Variants in RELN observed in about 807,000 individuals in gnomAD.
RELN encodes the protein reelin.
In RELN, 108 loss-of-function variants were observed where a neutral mutation model predicts 427.6. That is an observed-to-expected ratio of 0.25 (90% CI 0.22 to 0.30). RELN has a LOEUF of 0.30. Among genes scored for constraint, RELN ranks in the 10% least tolerant of loss-of-function variants. RELN has a pLI of 1.00. For missense variants in RELN, 3,715 were observed against 4,302.8 expected (o/e 0.86, Z 3.82); for synonymous variants, 1,524 against 1,513.4 (o/e 1.01, Z -0.16).
At chr7:103,944,120 G>A (rs922018574) in intron 1 of RELN, among the ~76,000 whole-genome samples, 5 of 152,032 alleles carry the variant, frequency 3.3e-5, no homozygotes, top group Admixed American at 6.6e-5. Flanking sequence ...TACTGCAGGC[G>A]AATGGAGAAA....
intron 36 of RELN, 88 bp downstream of exon 36, chr7:103,561,444 G>C (rs1830639004): frequency 1.9e-6 from 2 of 1,042,900 alleles, no homozygotes; most frequent in Non-Finnish European, 3.0e-6. Flanking sequence ...CATTTGAAGA[G>C]ATTCAGAAAT....
chr7:103,924,258 A>T (rs557616459), intron 1 of RELN, among the ~76,000 whole-genome samples: 1 of 152,278 alleles, frequency 6.6e-6, no homozygotes, highest in East Asian at 1.9e-4. Context: ...TGTACTAATT[A>T]TTATTACAGC....
intron 2 of RELN, among the ~76,000 whole-genome samples, chr7:103,836,151 G>C (rs773267533): frequency 2.0e-5 from 3 of 151,836 alleles, no homozygotes; most frequent in Non-Finnish European, 4.4e-5. Context: ...ATTTTTAGTA[G>C]AGATGGGGTT....
intron 8 of RELN, among the ~76,000 whole-genome samples, chr7:103,707,328 A>C (rs1053812892): frequency 4.8e-4 from 73 of 152,140 alleles, no homozygotes; most frequent in African/African-American, 1.7e-3. Flanking sequence ...CTATAAAGAG[A>C]GCTAAAAAAG....
At chr7:103,980,463 T>C (rs1202425780) in intron 1 of RELN, among the ~76,000 whole-genome samples, 2 of 152,206 alleles carry the variant, frequency 1.3e-5, no homozygotes, top group Non-Finnish European at 2.9e-5. Context: ...TTTACTTTTC[T>C]TTGTTTTCTC....
rs368098458 is a variant in RELN, at chr7:103,824,627, A to AGTGTGTGTGTGTGTGTGTGTGTGTGT, written c.473+8884_473+8909dup. On this transcript the variant is annotated intron_variant, in intron 3 of 64. Coordinates refer to ENST00000428762, the MANE Select transcript of RELN (RefSeq NM_005045.4). This position sits in a 1 kb window ranked among gnomAD's most constrained non-coding sequence, Gnocchi z 4.4. ...GTGTTTTCACTTTCTTTCAAAACAGAGTGTGTGTGTGTGTGTGTGTGTGTG... is the reference window on the plus strand; with the variant it reads ...GTGTTTTCACTTTCTTTCAAAACAGAGTGTGTGTGTGTGTGTGTGTGTGTGTGTGTGTGTGTGTGTGTGTGTGTGTG... Among the ~76,000 whole-genome samples, 5 of 130,966 alleles carry AGTGTGTGTGTGTGTGTGTGTGTGTGT rather than the reference A, an allele frequency of 3.8e-5. No homozygotes were observed. Among genetic ancestry groups the AGTGTGTGTGTGTGTGTGTGTGTGTGT allele is most frequent in the South Asian group, 2.7e-4 (1 of 3,664 alleles). 85.9% of individuals were successfully genotyped at this position (130,966 alleles called of 152,430 possible). A position where few individuals can be genotyped will look rare whatever the true frequency, so the allele number is the denominator to read the frequency against.
intron 28 of RELN, among the ~76,000 whole-genome samples, chr7:103,579,686 A>C (rs1037939404): frequency 1.3e-5 from 2 of 151,610 alleles, no homozygotes; most frequent in East Asian, 3.9e-4. Flanking sequence ...CGTGTCCCAG[A>C]TAAATAAAAA....
At chr7:103,852,672 TTTG>T (rs34952499) in intron 2 of RELN, among the ~76,000 whole-genome samples, 41 of 151,670 alleles carry the variant, frequency 2.7e-4, no homozygotes, top group African/African-American at 8.5e-4. Flanking sequence ...CACCTTTGTT[TTTG>T]TTGTTGTTGT....
chr7:103,500,602 C>T (rs1828993729), intron 53 of RELN, 143 bp downstream of exon 53: 1 of 734,868 alleles, frequency 1.4e-6, no homozygotes, highest in African/African-American at 1.8e-5. Flanking sequence ...AAACATAAGA[C>T]ATTTTTAAAG....
chr7:103,702,265 T>C (rs1230768770), intron 8 of RELN, among the ~76,000 whole-genome samples: 2 of 152,154 alleles, frequency 1.3e-5, no homozygotes, highest in Admixed American at 6.5e-5. Flanking sequence ...AGGACAAACT[T>C]CAATACAAAC....
intron 3 of RELN, among the ~76,000 whole-genome samples, chr7:103,798,144 A>G (rs950654847): frequency 2.0e-5 from 3 of 152,200 alleles, no homozygotes; most frequent in Non-Finnish European, 4.4e-5. Flanking sequence ...CCTTTGCCAA[A>G]TAAATTCTGG....
At chr7:103,734,166 T>C (rs913484431) in intron 6 of RELN, among the ~76,000 whole-genome samples, 2 of 152,186 alleles carry the variant, frequency 1.3e-5, no homozygotes, top group African/African-American at 4.8e-5. Flanking sequence ...CACTTTCTCA[T>C]GTTCTCAGGA....
chr7:103,635,494 T>A lies in RELN; in HGVS notation c.2396A>T (p.Tyr799Phe). The A allele has an allele frequency of 6.2e-7, 1 of 1,614,008 alleles. No homozygotes were observed. The highest frequency in any genetic ancestry group is 1.1e-5 in the South Asian group (1 of 91,078). ...DQPGEGVLLH[Y>F]SYDNGITWKL... ...CCAAGTTATCCCATTATCATAAGAA[T>A]AATGCAACAAAACTCCTTCACCAGG... The change falls in exon 19 of 65, where the codon TAT becomes TTT. Residue 799 changes from tyrosine (Y) to phenylalanine (F), a missense_variant. Physicochemically the swap from Tyr to Phe is conservative, Grantham distance 22. Coordinates refer to ENST00000428762, the MANE Select transcript of RELN (RefSeq NM_005045.4).
At chr7:103,982,422 A>C (rs1401901532) in intron 1 of RELN, among the ~76,000 whole-genome samples, 1 of 152,190 alleles carries the variant, frequency 6.6e-6, no homozygotes, top group Non-Finnish European at 1.5e-5. Context: ...GTTGATAATA[A>C]ATGTACTGAT....
intron 1 of RELN, among the ~76,000 whole-genome samples, chr7:103,920,593 T>TTA (rs57282777): frequency 2.0e-3 from 259 of 128,442 alleles, no homozygotes; most frequent in Non-Finnish European, 2.6e-3. Flanking sequence ...TTTTTTTTTT[T>TTA]GAGAGAGTCT....
chr7:103,962,829 T>G (rs1442657762), intron 1 of RELN, among the ~76,000 whole-genome samples: 1 of 152,214 alleles, frequency 6.6e-6, no homozygotes, highest in Non-Finnish European at 1.5e-5. Flanking sequence ...ACTTACAGCT[T>G]CATAATTAAG....
chr7:103,511,634 T>C (rs896346910), intron 50 of RELN, among the ~76,000 whole-genome samples: 10 of 152,234 alleles, frequency 6.6e-5, no homozygotes, highest in East Asian at 3.9e-4. Flanking sequence ...TCCCAGCACT[T>C]TGAAAGGCTG....
chr7:103,828,325 G>T (rs1486368920), intron 3 of RELN, among the ~76,000 whole-genome samples: 1 of 151,920 alleles, frequency 6.6e-6, no homozygotes, highest in East Asian at 1.9e-4. Context: ...CTCGTTTAGT[G>T]TACTTTAAGA....
intron 2 of RELN, among the ~76,000 whole-genome samples, chr7:103,916,712 T>A (rs775239735): frequency 6.6e-6 from 1 of 152,208 alleles, no homozygotes; most frequent in East Asian, 1.9e-4. Flanking sequence ...TTAACCATAA[T>A]ATTTTAAGAA....
Sources: allele counts gnomAD v4.1 joint callset (sites outside exome capture counted in the v4.1 genomes callset), GRCh38; gene constraint gnomAD v4.1.1; non-coding constraint Gnocchi (gnomAD v3.1); transcripts MANE v1.5; gene names NCBI Gene and HGNC (gene_info 2026-07-23, HGNC 2026-07-21).